SI: variants seen among roughly 807,000 people sequenced by gnomAD.
SI encodes sucrase-isomaltase, intestinal.
A neutral mutation model predicts 253.3 loss-of-function variants in SI; 235 were observed. The observed-to-expected ratio is 0.93, with a 90% CI of 0.83 to 1.03. The LOEUF (loss-of-function observed/expected upper bound fraction) is 1.03. SI is among the 50% of genes least tolerant of loss of function. The pLI, the probability that SI is intolerant of heterozygous loss-of-function variation, is 0.00. For synonymous variants in SI, 819 were observed against 712.0 expected, an observed-to-expected ratio of 1.15 and a Z score of -2.39; for missense variants, 2,442 against 2,211.1, an observed-to-expected ratio of 1.10 and a Z score of -2.09.
chr3:165,040,431 T>G (rs937364521), intron 18 of SI, among the ~76,000 whole-genome samples: 4 of 152,056 alleles, frequency 2.6e-5, no homozygotes, highest in Non-Finnish European at 4.4e-5. Context: ...TAAGATAGGT[T>G]CATAAAGTAT....
At chr3:164,994,831 A>C (rs893615647) in intron 40 of SI, among the ~76,000 whole-genome samples, 13 of 151,790 alleles carry the variant, frequency 8.6e-5, no homozygotes, top group African/African-American at 3.1e-4. Flanking sequence ...TCTCAGGAGA[A>C]ATGAACAGAT....
chr3:165,040,005 T>C (rs752212097), intron 18 of SI, 34 bp from the exon 19 acceptor site: 9 of 1,525,526 alleles, frequency 5.9e-6, no homozygotes, highest in African/African-American at 2.7e-5. Flanking sequence ...AGTATAATAA[T>C]GAAAAAATAA....
intron 40 of SI, 53 bp downstream of exon 40, chr3:164,996,482 T>C (rs1360262986): frequency 1.0e-6 from 1 of 975,688 alleles, no homozygotes; most frequent in Non-Finnish European, 1.7e-6. Flanking sequence ...TAAAGTATAA[T>C]GAAGCATAGC....
At chr3:165,074,128 A>G (rs113480107) in intron 3 of SI, among the ~76,000 whole-genome samples, 4 of 152,220 alleles carry the variant, frequency 2.6e-5, no homozygotes, top group African/African-American at 7.2e-5. Context: ...TTTTCATAAA[A>G]TGAGTATTTT....
chr3:165,084,631 C>T, the SI span, among the ~76,000 whole-genome samples: 1 of 151,678 alleles, frequency 6.6e-6, no homozygotes, highest in Non-Finnish European at 1.5e-5. Flanking sequence ...AATACATTTC[C>T]TTCCTGAAAT....
chr3:165,047,821 TA>T (rs1212763358), intron 15 of SI, among the ~76,000 whole-genome samples: 5 of 139,898 alleles, frequency 3.6e-5, no homozygotes, highest in African/African-American at 1.1e-4. Context: ...AAGGTTGGGA[TA>T]AAACTTACAT....
chr3:164,985,728 C>T (rs950993183), intron 45 of SI, among the ~76,000 whole-genome samples: 2 of 152,226 alleles, frequency 1.3e-5, no homozygotes, highest in East Asian at 1.9e-4. Context: ...TCAGAACGCT[C>T]ATCTAGTAGT....
chr3:165,014,300 G>C (rs367809087), intron 33 of SI, among the ~76,000 whole-genome samples: 1 of 152,042 alleles, frequency 6.6e-6, no homozygotes, highest in South Asian at 2.1e-4. Flanking sequence ...CCAGGCTGGA[G>C]TTCAGTGGCT....
intron 13 of SI, among the ~76,000 whole-genome samples, chr3:165,054,500 A>G (rs1327297772): frequency 6.6e-6 from 1 of 151,896 alleles, no homozygotes; most frequent in Non-Finnish European, 1.5e-5. Flanking sequence ...AGTTACAGGC[A>G]TGTGCCACCA....
upstream of SI, among the ~76,000 whole-genome samples, chr3:165,083,350 C>T (rs935995899): frequency 2.6e-5 from 4 of 151,762 alleles, no homozygotes; most frequent in African/African-American, 9.7e-5. Flanking sequence ...AAAGAAACAG[C>T]TTTCTCTCAT....
chr3:164,981,067 T>C (rs1377774301), intron 47 of SI, among the ~76,000 whole-genome samples: 1 of 152,052 alleles, frequency 6.6e-6, no homozygotes, highest in African/African-American at 2.4e-5. Flanking sequence ...TCAGGTATTC[T>C]GGAATTTTAT....
At chr3:165,040,017 T>A (rs368074921) in intron 18 of SI, 46 bp from the exon 19 acceptor site, 18 of 1,418,852 alleles carry the variant, frequency 1.3e-5, no homozygotes, top group Non-Finnish European at 1.7e-5. Context: ...AAAAAATAAG[T>A]TTATCCAAAT....
chr3:165,004,446 G>C (rs183502846), intron 37 of SI, among the ~76,000 whole-genome samples: 2 of 152,204 alleles, frequency 1.3e-5, no homozygotes, highest in Non-Finnish European at 1.5e-5. Flanking sequence ...TCCTGCTGCT[G>C]AATATGCATC....
rs575924341 is a variant in SI, at chr3:164,992,050, G to A, written c.4983+127C>T. On this transcript the variant is annotated intron_variant, in intron 43 of 47. Coordinates refer to ENST00000264382, the MANE Select transcript of SI (RefSeq NM_001041.4). The stretch of plus-strand genomic sequence containing the variant: ...TAATTCAATTCAGCTATAATTTACC[G>A]GAAATATGTTACTTTCCACTCTTTT... 50 of 818,036 alleles carry A rather than the reference G, an allele frequency of 6.1e-5. No homozygotes were observed. The East Asian group carries it at 6.4e-4, about 10-fold the overall frequency. The allele number at this position is 818,036 out of a possible 1,614,324, so 50.7% of individuals were successfully genotyped here.
chr3:165,055,850 G>A (rs1179848386), intron 12 of SI, among the ~76,000 whole-genome samples: 4 of 151,984 alleles, frequency 2.6e-5, no homozygotes, highest in African/African-American at 9.7e-5. Context: ...TTACAGATGA[G>A]GTAGGTACTG....
intron 47 of SI, among the ~76,000 whole-genome samples, chr3:164,979,655 G>A (rs541661610): frequency 7.6e-4 from 116 of 151,682 alleles, no homozygotes; most frequent in African/African-American, 2.7e-3. Flanking sequence ...AGGTGAAGTT[G>A]CTGTCAAAAG....
chr3:165,066,962 A>G (rs1553778275), intron 6 of SI, among the ~76,000 whole-genome samples: 1 of 151,834 alleles, frequency 6.6e-6, no homozygotes, highest in Non-Finnish European at 1.5e-5. Flanking sequence ...TTTAATATTA[A>G]TATGGGAAAT....
At chr3:165,017,425 G>T in intron 31 of SI, 123 bp downstream of exon 31, 1 of 820,330 alleles carries the variant, frequency 1.2e-6, no homozygotes, top group South Asian at 1.6e-5. Context: ...CAATACATAA[G>T]GTGCCAGTAA....
intron 16 of SI, 70 bp downstream of exon 16, chr3:165,046,767 AAATT>A (rs773325833): frequency 3.8e-4 from 468 of 1,244,288 alleles, no homozygotes; most frequent in Non-Finnish European, 5.0e-4. Flanking sequence ...CATTTTACTA[AAATT>A]AATTAAGATT....
Sources: allele counts gnomAD v4.1 joint callset (sites outside exome capture counted in the v4.1 genomes callset), GRCh38; gene constraint gnomAD v4.1.1; transcripts MANE v1.5; gene names NCBI Gene and HGNC (gene_info 2026-07-23, HGNC 2026-07-21).